Variants in CPNE4 observed in about 807,000 individuals in gnomAD.
The protein encoded by CPNE4 is copine-4.
Under a neutral mutation model 67.9 loss-of-function variants are expected in CPNE4, and 25 were observed. That is an observed-to-expected ratio of 0.37 (90% confidence interval 0.27 to 0.51). The LOEUF (loss-of-function observed/expected upper bound fraction) is 0.51. Ranked by LOEUF, CPNE4 falls within the 20% of genes least tolerant of loss-of-function variation. The probability of loss-of-function intolerance (pLI) is 0.93; values close to 1 mark genes in which losing one functional copy is unlikely to be tolerated. For missense variants in CPNE4, 464 were observed against 690.8 expected, an observed-to-expected ratio of 0.67 and a Z score of 3.68; for synonymous variants, 242 against 244.9, an observed-to-expected ratio of 0.99 and a Z score of 0.11.
chr3:131,964,493 T>G (rs1302638322), intron 1 of CPNE4, among the ~76,000 whole-genome samples: 2 of 151,852 alleles, frequency 1.3e-5, no homozygotes, highest in Non-Finnish European at 2.9e-5. Flanking sequence ...TTACAGGAAC[T>G]GCTAACTAGA....
At chr3:131,875,072 G>C (rs2107703079) in intron 2 of CPNE4, among the ~76,000 whole-genome samples, 1 of 152,310 alleles carries the variant, frequency 6.6e-6, no homozygotes, top group African/African-American at 2.4e-5. Context: ...TCTGTAGGCT[G>C]AGATACTGAG....
chr3:131,743,745 A>G (rs781324192), intron 2 of CPNE4, among the ~76,000 whole-genome samples: 3 of 152,074 alleles, frequency 2.0e-5, no homozygotes, highest in Non-Finnish European at 4.4e-5. Context: ...AGCAAATAAA[A>G]TCTAAATATA....
intron 2 of CPNE4, among the ~76,000 whole-genome samples, chr3:131,863,370 G>A (rs2086780571): frequency 6.6e-6 from 1 of 152,122 alleles, no homozygotes; most frequent in Non-Finnish European, 1.5e-5. Flanking sequence ...TCCAGCACCT[G>A]TTGTTTCCTG....
intron 7 of CPNE4, among the ~76,000 whole-genome samples, chr3:131,635,798 T>TA (rs2107786100): frequency 6.6e-6 from 1 of 152,162 alleles, no homozygotes; most frequent in African/African-American, 2.4e-5. Context: ...TATGGAGACT[T>TA]ATACCGTGAA....
chr3:131,991,835 T>C (rs1020110288), intron 1 of CPNE4, among the ~76,000 whole-genome samples: 3 of 135,948 alleles, frequency 2.2e-5, no homozygotes, highest in South Asian at 2.6e-4. Context: ...TACCCTGCCA[T>C]GTCCAAGCTG....
intron 2 of CPNE4, among the ~76,000 whole-genome samples, chr3:131,785,470 T>A (rs1397182344): frequency 6.6e-6 from 1 of 152,128 alleles, no homozygotes; most frequent in Non-Finnish European, 1.5e-5. Flanking sequence ...CCCAGTCCTT[T>A]ACTCCATGGC....
chr3:131,708,958 A>G (rs1474103377), intron 3 of CPNE4, among the ~76,000 whole-genome samples: 1 of 12,540 alleles, frequency 8.0e-5, no homozygotes, highest in Non-Finnish European at 1.3e-4. Flanking sequence ...GGGCATAAAG[A>G]TATATATATA....
chr3:131,906,577 T>G (rs1385058036), intron 1 of CPNE4, among the ~76,000 whole-genome samples: 3 of 152,024 alleles, frequency 2.0e-5, no homozygotes, highest in African/African-American at 4.8e-5. Flanking sequence ...ACAAAGGACA[T>G]GAACTCATCA....
intron 7 of CPNE4, among the ~76,000 whole-genome samples, chr3:131,655,243 A>G (rs1340277762): frequency 6.6e-6 from 1 of 152,236 alleles, no homozygotes; most frequent in African/African-American, 2.4e-5. Context: ...GCCCCACCCT[A>G]GACCTACTGA....
chr3:131,708,540 AAG>A (rs2081470636), intron 3 of CPNE4, among the ~76,000 whole-genome samples: 1 of 152,132 alleles, frequency 6.6e-6, no homozygotes, highest in African/African-American at 2.4e-5. Context: ...GCAGTCTTCC[AAG>A]CTGAGAACCA....
chr3:131,782,020 G>C (rs568053905), intron 2 of CPNE4, among the ~76,000 whole-genome samples: 18 of 152,162 alleles, frequency 1.2e-4, no homozygotes, highest in African/African-American at 3.9e-4. Flanking sequence ...ATGAGAACGT[G>C]AGAATATGAG....
chr3:131,917,455 T>A (rs932037163), intron 1 of CPNE4, among the ~76,000 whole-genome samples: 1 of 152,196 alleles, frequency 6.6e-6, no homozygotes, highest in East Asian at 1.9e-4. Context: ...ATCACAGACA[T>A]TTGAGTGATG....
At chr3:131,860,545 T>C (rs2086633193) in intron 2 of CPNE4, among the ~76,000 whole-genome samples, 1 of 152,174 alleles carries the variant, frequency 6.6e-6, no homozygotes, top group Non-Finnish European at 1.5e-5. Flanking sequence ...TCATTGAAGC[T>C]CTCCACACAT....
At chr3:131,564,424 G>A (rs1241487061) in intron 10 of CPNE4, 75 bp from the exon 11 acceptor site, 2 of 1,441,666 alleles carry the variant, frequency 1.4e-6, no homozygotes, top group South Asian at 1.3e-5. Flanking sequence ...AGTCATGAGA[G>A]AGACCTGGCC....
At chr3:131,927,280 G>T (rs2070922729) in intron 1 of CPNE4, among the ~76,000 whole-genome samples, 1 of 151,946 alleles carries the variant, frequency 6.6e-6, no homozygotes, top group Non-Finnish European at 1.5e-5. Flanking sequence ...GTTTCCAACT[G>T]TGTTGGCTAA....
At chr3:131,572,583 A>G (rs1260730892) in intron 10 of CPNE4, among the ~76,000 whole-genome samples, 2 of 152,050 alleles carry the variant, frequency 1.3e-5, no homozygotes, top group Non-Finnish European at 2.9e-5. Flanking sequence ...TTCCTGGGGC[A>G]CAGAAGGGAG....
chr3:131,797,346 T>C (rs769386424), intron 2 of CPNE4, among the ~76,000 whole-genome samples: 2 of 152,210 alleles, frequency 1.3e-5, no homozygotes. Context: ...GCTCTTTCCA[T>C]GATTTTTGAA....
chr3:131,687,478 A>C (rs1412758830), intron 5 of CPNE4, among the ~76,000 whole-genome samples: 1 of 152,222 alleles, frequency 6.6e-6, no homozygotes, highest in African/African-American at 2.4e-5. Context: ...TCACATTTTT[A>C]TTACGAATTT....
intron 2 of CPNE4, among the ~76,000 whole-genome samples, chr3:131,782,334 T>C (rs1314692112): frequency 2.0e-5 from 3 of 152,290 alleles, no homozygotes; most frequent in South Asian, 2.1e-4. Context: ...AAACATTTAA[T>C]GTTCACTAGC....
Sources: allele counts gnomAD v4.1 joint callset (sites outside exome capture counted in the v4.1 genomes callset), GRCh38; gene constraint gnomAD v4.1.1; transcripts MANE v1.5; gene names NCBI Gene and HGNC (gene_info 2026-07-23, HGNC 2026-07-21).